The following ESPL1 variants were observed in gnomAD, a reference collection of about 807,000 sequenced individuals.
ESPL1 encodes the protein separin.
Under a neutral mutation model 217.2 loss-of-function variants are expected in ESPL1, and 50 were observed. The ratio of observed to expected loss-of-function variants is 0.23; its 90% confidence interval spans 0.18 to 0.29. The LOEUF (loss-of-function observed/expected upper bound fraction) is 0.29, where lower values mean the gene tolerates loss of function less well. Among genes scored for constraint, ESPL1 ranks in the 10% least tolerant of loss-of-function variants. The pLI is 1.00. For missense variants in ESPL1, 1,834 were observed against 2,603.0 expected (o/e 0.70, Z 6.43); for synonymous variants, 994 against 1,081.3 (o/e 0.92, Z 1.58).
chr12:53,292,774 C>T lies in ESPL1; in HGVS notation c.5997-32C>T. ...ACAGGCAGAGGCCAGGTATTACTAG[C>T]TCAAGACTCATCTCACCTCCTTCTG... On this transcript the variant is annotated intron_variant, in intron 29 of 30. Coordinates refer to ENST00000257934, the MANE Select transcript of ESPL1 (RefSeq NM_012291.5). The surrounding 1 kb of genome is among the most constrained non-coding windows in gnomAD (Gnocchi z 4.5). The T allele has an allele frequency of 4.4e-6, 7 of 1,606,478 alleles. No homozygotes were observed. Among genetic ancestry groups the T allele is most frequent in the Non-Finnish European group, 5.9e-6 (7 of 1,179,128 alleles).
intron 24 of ESPL1, 27 bp from the exon 25 acceptor site, chr12:53,290,810 TCTGA>T: frequency 8.5e-7 from 1 of 1,174,502 alleles, no homozygotes; most frequent in South Asian, 1.7e-5. Context: ...TGGTTTCCTC[TCTGA>T]CTGAAGGGTC....
intron 20 of ESPL1, 141 bp from the exon 21 acceptor site, chr12:53,288,949 C>T: frequency 1.3e-6 from 1 of 748,936 alleles, no homozygotes; most frequent in Non-Finnish European, 2.3e-6. Context: ...CATGGCACCC[C>T]ACTTGGCACA....
At chr12:53,276,269 G>T (rs1216210909) in intron 7 of ESPL1, among the ~76,000 whole-genome samples, 1 of 152,168 alleles carries the variant, frequency 6.6e-6, no homozygotes, top group African/African-American at 2.4e-5. Context: ...AAATACAAAG[G>T]TTGCAAAGTG....
rs1017216466 is a variant in ESPL1 at position 53,268,349 on chromosome 12, A to G, written c.-41A>G. ...TACTGGTCAGGCGGTTAAGTCCTGT[A>G]CCTAGGAAAGAGGGCGAGCTCTGGG... On this transcript the variant is annotated 5_prime_UTR_variant, in exon 1 of 31. Transcript: ENST00000257934. 2.1e-5 allele frequency: 4 copies of G among 189,430 alleles called. No individual in the cohort carries two copies. Among genetic ancestry groups the G allele is most frequent in the African/African-American group, 9.5e-5 (4 of 42,178 alleles). 11.7% of individuals were successfully genotyped at this position (189,430 alleles called of 1,614,324 possible). A position where few individuals can be genotyped will look rare whatever the true frequency, so the allele number is the denominator to read the frequency against.
chr12:53,291,658 A>C, intron 25 of ESPL1, 32 bp from the exon 26 acceptor site: 1 of 1,595,868 alleles, frequency 6.3e-7, no homozygotes, highest in Non-Finnish European at 8.5e-7. Context: ...TCATGAATGA[A>C]GATGGTGCTC....
At position 53,284,036 on chromosome 12, in the gene ESPL1, TCTC is replaced by T. The variant is rs747488182; in HGVS notation, c.3078-18_3078-16del. The T allele has an allele frequency of 4.1e-5, 63 of 1,538,494 alleles. No individual in the cohort carries two copies. Among genetic ancestry groups the T allele is most frequent in the African/African-American group, 5.4e-5 (4 of 73,420 alleles). Reference sequence around the variant, plus strand: ...AAAACAAAGGATTCCTCTGATTGGTTCTCCTCTCCTCTCTCAACAAGGTGTGCC... The same window carrying T: ...AAAACAAAGGATTCCTCTGATTGGTTCTCTCCTCTCTCAACAAGGTGTGCC... On this transcript the variant is annotated intron_variant, in intron 16 of 30. Coordinates refer to ENST00000257934, the MANE Select transcript of ESPL1 (RefSeq NM_012291.5).
chr12:53,273,490 G>A (rs112750006), intron 6 of ESPL1, among the ~76,000 whole-genome samples: 12,008 of 151,612 alleles, frequency 0.079, 711 homozygotes, highest in Non-Finnish European at 0.12. Flanking sequence ...CGGGCGTGAT[G>A]GCTCACGCCT....
At chr12:53,277,699 G>C in intron 10 of ESPL1, 91 bp downstream of exon 10, 2 of 1,576,742 alleles carry the variant, frequency 1.3e-6, no homozygotes, top group Non-Finnish European at 8.7e-7. Context: ...TGACCTTGTA[G>C]GGTAGGAGGT....
At chr12:53,290,514 C>G (rs753407331) in intron 24 of ESPL1, 45 bp downstream of exon 24, 4 of 1,604,516 alleles carry the variant, frequency 2.5e-6, no homozygotes, top group Non-Finnish European at 3.4e-6. Flanking sequence ...AGGAATGACC[C>G]GGGGGGTCCC....
In ESPL1 at chr12:53,286,274, G is replaced by T; in HGVS notation, c.3538G>T (p.Gly1180Cys). ...GCTGGCCATGGGCCACCAAGCCCAG[G>T]GTCTGGATCTGCTGCAGGTCGTGCT... ...VRLAMGHQAQGLDLLQVVLKG... is the reference protein window; with the variant it reads ...VRLAMGHQAQCLDLLQVVLKG... The change falls in exon 18 of 31, where the codon GGT (glycine) becomes TGT (cysteine). Residue 1180 changes from glycine (G) to cysteine (C), a missense_variant. Transcript: ENST00000257934. This position sits in a 1 kb window ranked among gnomAD's most constrained non-coding sequence, Gnocchi z 5.3. The T allele has an allele frequency of 1.2e-6, 2 of 1,614,200 alleles. No individual in the cohort carries two copies. Among genetic ancestry groups the T allele is most frequent in the East Asian group, 2.2e-5 (1 of 44,880 alleles).
intron 20 of ESPL1, 58 bp downstream of exon 20, chr12:53,288,757 T>C: frequency 6.7e-7 from 1 of 1,487,586 alleles, no homozygotes; most frequent in Non-Finnish European, 9.1e-7. Context: ...CTAGGGCTTT[T>C]GACCCCTCTG....
chr12:53,283,393 G>C lies in ESPL1; in HGVS notation c.2932G>C (p.Val978Leu). ...CTCTTTTGCTACAGGTGAAAATCTG[G>C]TACAAAAATGGCAGGTTCTTTCAGA... is the stretch of plus-strand genomic sequence containing the variant. ...TSFLDYGENL[V>L]QKWQVLSEVL... Residue 978 changes from valine (V) to leucine (L), a missense_variant, in exon 16 of 31, where the codon GTA becomes CTA. This residue lies in a region of ESPL1 where 107 missense variants were observed against 171.7 expected (regional missense o/e 0.62). Transcript: ENST00000257934. 1 of 1,614,088 alleles carries C rather than the reference G, an allele frequency of 6.2e-7. No individual in the cohort carries two copies. The highest frequency in any genetic ancestry group is 8.5e-7 in the Non-Finnish European group (1 of 1,179,990).
chr12:53,275,057 C>T, intron 7 of ESPL1, 47 bp downstream of exon 7: 1 of 1,436,520 alleles, frequency 7.0e-7, no homozygotes, highest in Non-Finnish European at 9.3e-7. Flanking sequence ...AATCCCAGCA[C>T]TTTGGGAAGC....
At chr12:53,279,975 C>A in intron 12 of ESPL1, 109 bp downstream of exon 12, 1 of 1,252,190 alleles carries the variant, frequency 8.0e-7, no homozygotes, top group East Asian at 2.6e-5. Context: ...CCTTTTACCA[C>A]CACAACTGGC....
At chr12:53,275,068 C>T (rs1943742640) in intron 7 of ESPL1, 58 bp downstream of exon 7, 8 of 1,379,070 alleles carry the variant, frequency 5.8e-6, no homozygotes, top group Middle Eastern at 2.7e-4. Context: ...TTTGGGAAGC[C>T]GAGGCGGGTG....
intron 5 of ESPL1, among the ~76,000 whole-genome samples, chr12:53,271,565 G>A (rs1360035154): frequency 6.6e-6 from 1 of 151,728 alleles, no homozygotes; most frequent in Non-Finnish European, 1.5e-5. Flanking sequence ...GTAGGCTGAG[G>A]CAGGAGAGTC....
chr12:53,293,368 G>C lies in ESPL1; in HGVS notation c.6257G>C (p.Gly2086Ala). 6.2e-7 allele frequency: 1 copy of C among 1,614,122 alleles called. No individual in the cohort carries two copies. The highest frequency in any genetic ancestry group is 2.2e-5 in the East Asian group (1 of 44,880). Residue 2086 changes from glycine (G) to alanine (A), a missense_variant, in exon 31 of 31, where the codon GGG (glycine) becomes GCG (alanine). Physicochemically the swap from Gly to Ala is moderately conservative, Grantham distance 60. Transcript: ENST00000257934. The surrounding 1 kb of genome is among the most constrained non-coding windows in gnomAD (Gnocchi z 4.2). ...CAAGGCTGGCTTGGAGCAGGCCCAG[G>C]GGCCCCCCTTCTCTACTATGTAAAC... Reference protein sequence around the residue: ...LLQGWLGAGPGAPLLYYVNQA... With the variant: ...LLQGWLGAGPAAPLLYYVNQA...
chr12:53,280,008 C>A, intron 12 of ESPL1, 142 bp downstream of exon 12: 2 of 908,712 alleles, frequency 2.2e-6, no homozygotes, highest in South Asian at 1.8e-5. Flanking sequence ...GAGTGTGGAG[C>A]AGTTGGAGGC....
In ESPL1 at chr12:53,286,280, G is replaced by C; in HGVS notation, c.3544G>C (p.Asp1182His). The change falls in exon 18 of 31, where the codon GAT (aspartate) becomes CAT (histidine). Residue 1182 changes from aspartate (D) to histidine (H), a missense_variant. By Grantham distance (81) the Asp-to-His change is moderately conservative (BLOSUM62 -1). Around this residue, in one of 5 missense-constraint regions of ESPL1, gnomAD observed 681 missense variants for 808.0 expected, o/e 0.84. Coordinates refer to ENST00000257934, the MANE Select transcript of ESPL1 (RefSeq NM_012291.5). The surrounding 1 kb of genome is among the most constrained non-coding windows in gnomAD (Gnocchi z 5.3). ...CATGGGCCACCAAGCCCAGGGTCTG[G>C]ATCTGCTGCAGGTCGTGCTGAAGGG... ...LAMGHQAQGL[D>H]LLQVVLKGCP... The C allele has an allele frequency of 6.2e-7, 1 of 1,614,194 alleles. No individual in the cohort carries two copies. Among genetic ancestry groups the C allele is most frequent in the East Asian group, 2.2e-5 (1 of 44,882 alleles).
Sources: gnomAD v4.1 joint callset for allele counts (sites outside exome capture counted in the v4.1 genomes callset) on GRCh38, gnomAD v4.1.1 for gene constraint, gnomAD v4.1.1 regional missense constraint, Gnocchi (gnomAD v3.1) non-coding constraint, MANE v1.5 for transcripts, NCBI Gene and HGNC (gene_info 2026-07-23, HGNC 2026-07-21) for gene names.